Variants in RPGR observed in about 807,000 individuals in gnomAD.
The protein encoded by RPGR is X-linked retinitis pigmentosa GTPase regulator.
RPGR carries 10 observed loss-of-function variants against 56.3 expected under a neutral mutation model. The ratio of observed to expected loss-of-function variants is 0.18; its 90% CI spans 0.11 to 0.30. RPGR has a LOEUF of 0.30. RPGR is among the 10% of genes least tolerant of loss of function. The probability of loss-of-function intolerance (pLI) is 1.00; values close to 1 mark genes in which losing one functional copy is unlikely to be tolerated. For synonymous variants in RPGR, 197 were observed against 212.9 expected (o/e 0.93, Z 0.65); for missense variants, 538 against 590.9 (o/e 0.91, Z 0.93).
At chrX:38,298,542 T>C in intron 10 of RPGR, 1 of 243,401 alleles carries the variant, frequency 4.1e-6, no homozygotes, top group Non-Finnish European at 7.5e-6. Flanking sequence ...CAATACCGTA[T>C]TGCACACTTA....
chrX:38,290,037 T>C (rs1473375972), intron 13 of RPGR, among the ~76,000 whole-genome samples: 1 of 112,119 alleles, frequency 8.9e-6, no homozygotes, highest in African/African-American at 3.2e-5. Flanking sequence ...AGCTCTCCCA[T>C]ATTCAAAGGA....
At chrX:38,273,245 T>C (rs952705083) in intron 18 of RPGR, 17 of 463,269 alleles carry the variant, frequency 3.7e-5, no homozygotes, top group Non-Finnish European at 5.3e-5. Context: ...ATTAAAAATA[T>C]GCGACATCAC....
intron 11 of RPGR, among the ~76,000 whole-genome samples, chrX:38,293,730 A>T (rs1228681064): frequency 3.6e-5 from 4 of 111,763 alleles, no homozygotes; most frequent in Admixed American, 9.5e-5. Context: ...AACATACACA[A>T]CTACCTATAT....
At chrX:38,319,227 T>G (rs1276464100) in intron 4 of RPGR, among the ~76,000 whole-genome samples, 1 of 112,463 alleles carries the variant, frequency 8.9e-6, no homozygotes, top group Non-Finnish European at 1.9e-5. Context: ...ATGAACAGAA[T>G]GCATGGAACG....
chrX:38,303,849 T>A (rs747776586), intron 8 of RPGR: 2 of 296,526 alleles, frequency 6.7e-6, no homozygotes, highest in Non-Finnish European at 5.9e-6. Context: ...GTAGAAATAC[T>A]AGTACATGGA....
intron 3 of RPGR, among the ~76,000 whole-genome samples, 182 bp from the exon 4 acceptor site, chrX:38,321,271 G>A (rs767551231): frequency 5.4e-5 from 6 of 111,785 alleles, no homozygotes; most frequent in Non-Finnish European, 1.1e-4. Flanking sequence ...CATAACAAGT[G>A]GAGCTTTGAA....
intron 1 of RPGR, chrX:38,326,580 A>G (rs2068049463): frequency 1.8e-5 from 2 of 111,422 alleles, no homozygotes; most frequent in Admixed American, 1.9e-4. Flanking sequence ...GCTCAGGAAA[A>G]AAAAGGCTAA....
intron 6 of RPGR, among the ~76,000 whole-genome samples, chrX:38,314,146 G>A (rs953815633): frequency 9.0e-6 from 1 of 111,536 alleles, no homozygotes; most frequent in African/African-American, 3.3e-5. Flanking sequence ...CCTAGGCTGC[G>A]GGTTGGACGA....
At position 38,315,183 on chromosome X, in the gene RPGR, A is replaced by T. The variant is rs182467729; in HGVS notation, c.619+2133T>A. On this transcript the variant is annotated intron_variant, in intron 6 of 18. Coordinates refer to ENST00000642395, the MANE Select transcript of RPGR (RefSeq NM_000328.3). ...TGTCGCTATTAAAAATACAAAAAAAATAGCTGGGCATGATGGTGGGCGCCT... is the reference window on the plus strand; with the variant it reads ...TGTCGCTATTAAAAATACAAAAAAATTAGCTGGGCATGATGGTGGGCGCCT... Among the ~76,000 whole-genome samples the T allele has an allele frequency of 4.0e-3, 439 of 111,102 alleles. 2 individuals are homozygous for T. Among genetic ancestry groups the T allele is most frequent in the African/African-American group, 0.014 (426 of 30,572 alleles).
intron 15 of RPGR, among the ~76,000 whole-genome samples, chrX:38,277,058 C>T (rs1008435280): frequency 4.5e-5 from 5 of 111,607 alleles, no homozygotes; most frequent in Non-Finnish European, 9.4e-5. Context: ...AATACTCTTT[C>T]TTGGTTGTCT....
At chrX:38,319,799 T>C (rs1486760681) in intron 4 of RPGR, among the ~76,000 whole-genome samples, 1 of 112,611 alleles carries the variant, frequency 8.9e-6, no homozygotes, top group Admixed American at 9.4e-5. Flanking sequence ...CAGTAAGTTG[T>C]AAATTAATGA....
chrX:38,302,811 T>TTC (rs2067525877), intron 8 of RPGR: 1 of 77,200 alleles, frequency 1.3e-5, no homozygotes, highest in Admixed American at 1.5e-4. Context: ...ACCTTTTTTT[T>TTC]TTTTTCTTTT....
At chrX:38,302,879 C>G (rs768764126) in intron 8 of RPGR, among the ~76,000 whole-genome samples, 14 of 100,075 alleles carry the variant, frequency 1.4e-4, no homozygotes, top group Admixed American at 4.5e-4. Context: ...GGTGCGATCT[C>G]AGCTCACTGC....
chrX:38,291,835 G>C (rs1446398859), intron 11 of RPGR, among the ~76,000 whole-genome samples: 1 of 112,251 alleles, frequency 8.9e-6, no homozygotes, highest in Non-Finnish European at 1.9e-5. Context: ...TCATACTCTT[G>C]TGTAGTTCCC....
chrX:38,306,434 AAACAT>A (rs1219482319), intron 7 of RPGR, among the ~76,000 whole-genome samples: 2 of 112,507 alleles, frequency 1.8e-5, no homozygotes, highest in East Asian at 5.5e-4. Context: ...TTACAAATGA[AAACAT>A]AACTGTCTAT....
rs1441595097 is a variant in RPGR, at chrX:38,276,696, C to T, written c.1982G>A (p.Ser661Asn). The T allele has an allele frequency of 3.3e-6, 4 of 1,208,347 alleles. No homozygotes were observed. In the African/African-American group the frequency reaches 7.0e-5, roughly 21 times the overall value. Residue 661 changes from serine to asparagine, a missense_variant, in exon 16 of 19, where the codon AGC (serine) becomes AAC (asparagine). This residue lies in a region of RPGR where 357 missense variants were observed against 325.8 expected (regional missense o/e 1.10). Coordinates refer to ENST00000642395, the MANE Select transcript of RPGR (RefSeq NM_000328.3). Reference sequence around the variant, plus strand: ...ATCATCTCCCACAGTTTTCTTCTTGCTTTCCACATTTTCAGCATTAATTTC... The same window carrying T: ...ATCATCTCCCACAGTTTTCTTCTTGTTTTCCACATTTTCAGCATTAATTTC...
At chrX:38,270,278 T>C (rs769102986) in intron 18 of RPGR, among the ~76,000 whole-genome samples, 62 of 109,729 alleles carry the variant, frequency 5.7e-4, no homozygotes, top group Non-Finnish European at 1.0e-3. Context: ...AGAAGGACGA[T>C]GTACCTCCCC....
At chrX:38,304,878 T>TCA in intron 7 of RPGR, 88 bp from the exon 8 acceptor site, 1 of 888,533 alleles carries the variant, frequency 1.1e-6, no homozygotes, top group Non-Finnish European at 1.6e-6. Context: ...CGTTCAACCT[T>TCA]TTATAGTGAA....
At chrX:38,323,904 TCTGA>T (rs1475013342) in intron 1 of RPGR, among the ~76,000 whole-genome samples, 1 of 112,270 alleles carries the variant, frequency 8.9e-6, no homozygotes, top group African/African-American at 3.2e-5. Context: ...TGGTCTGGCC[TCTGA>T]CTGAGAGCTT....
Sources: gnomAD v4.1 joint callset for allele counts (sites outside exome capture counted in the v4.1 genomes callset) on GRCh38, gnomAD v4.1.1 for gene constraint, gnomAD v4.1.1 regional missense constraint, MANE v1.5 for transcripts, NCBI Gene and HGNC (gene_info 2026-07-23, HGNC 2026-07-21) for gene names.